The following STARD13 variants were observed in gnomAD, a reference collection of about 807,000 sequenced individuals.
STARD13 encodes the protein StAR related lipid transfer domain containing 13, also known as stAR-related lipid transfer protein 13.
STARD13 carries 62 observed loss-of-function variants against 106.4 expected under a neutral mutation model. The ratio of observed to expected loss-of-function variants is 0.58; its 90% CI spans 0.48 to 0.72. The LOEUF is 0.72. Ranked by LOEUF, STARD13 falls within the 30% of genes least tolerant of loss-of-function variation. The pLI, the probability that STARD13 is intolerant of heterozygous loss-of-function variation, is 0.00. For synonymous variants in STARD13, 565 were observed against 553.0 expected (o/e 1.02, Z -0.31); for missense variants, 1,387 against 1,424.0 (o/e 0.97, Z 0.42).
chr13:33,653,759 G>GAT, the STARD13 span, among the ~76,000 whole-genome samples: 2 of 152,000 alleles, frequency 1.3e-5, no homozygotes, highest in Admixed American at 1.3e-4. Flanking sequence ...AATTGAGGAA[G>GAT]ATATTTGTAA....
intron 1 of STARD13, among the ~76,000 whole-genome samples, chr13:33,185,040 C>T (rs1885618075): frequency 6.6e-6 from 1 of 152,174 alleles, no homozygotes; most frequent in Non-Finnish European, 1.5e-5. Flanking sequence ...GGCCATGCTG[C>T]CTTGCTGAAG....
At chr13:33,649,997 G>A in the STARD13 span, among the ~76,000 whole-genome samples, 44 of 151,202 alleles carry the variant, frequency 2.9e-4, no homozygotes, top group African/African-American at 8.5e-4. Context: ...TTTTTTCCTG[G>A]CTCACAGGAA....
At chr13:33,671,522 G>A in the STARD13 span, among the ~76,000 whole-genome samples, 2 of 152,196 alleles carry the variant, frequency 1.3e-5, no homozygotes, top group African/African-American at 2.4e-5. Context: ...GTTGAGTCAG[G>A]AGTTCAAGAC....
At chr13:33,361,835 C>T in the STARD13 span, among the ~76,000 whole-genome samples, 1 of 152,172 alleles carries the variant, frequency 6.6e-6, no homozygotes, top group Non-Finnish European at 1.5e-5. Context: ...CCAGGTACCC[C>T]CTAACACTGG....
chr13:33,126,336 G>GGTATTCCAAC, intron 6 of STARD13, 96 bp from the exon 7 acceptor site: 1 of 1,211,182 alleles, frequency 8.3e-7, no homozygotes, highest in Non-Finnish European at 1.2e-6. Flanking sequence ...GCTTTTGTTG[G>GGTATTCCAAC]AATACCCAAC....
At chr13:33,510,499 C>G in the STARD13 span, among the ~76,000 whole-genome samples, 1 of 152,116 alleles carries the variant, frequency 6.6e-6, no homozygotes, top group African/African-American at 2.4e-5. Flanking sequence ...ACTCCTGGCT[C>G]TAGGGCTGCT....
At chr13:33,483,912 C>T in the STARD13 span, among the ~76,000 whole-genome samples, 1 of 152,242 alleles carries the variant, frequency 6.6e-6, no homozygotes, top group East Asian at 1.9e-4. Flanking sequence ...ATATGATTTT[C>T]CCTAGAAAAA....
chr13:33,657,304 T>G, the STARD13 span: 1 of 151,806 alleles, frequency 6.6e-6, no homozygotes, highest in Admixed American at 6.6e-5. Flanking sequence ...AAAATAGGAT[T>G]CCACCGTTTG....
chr13:33,676,266 A>T, the STARD13 span, among the ~76,000 whole-genome samples: 2 of 152,144 alleles, frequency 1.3e-5, no homozygotes, highest in Non-Finnish European at 2.9e-5. Context: ...GCGGATCGGG[A>T]CTGCCATTTG....
the STARD13 span, among the ~76,000 whole-genome samples, chr13:33,472,465 T>C: frequency 5.9e-3 from 897 of 152,218 alleles, 7 homozygotes; most frequent in African/African-American, 0.021. Context: ...TCATCATGCA[T>C]TGTGGTATGA....
the STARD13 span, among the ~76,000 whole-genome samples, chr13:33,564,222 AAAAAAG>A: frequency 4.2e-5 from 6 of 143,632 alleles, no homozygotes; most frequent in Non-Finnish European, 7.5e-5. Flanking sequence ...AAAAAAAAAA[AAAAAAG>A]AAAAGATCTG....
the STARD13 span, among the ~76,000 whole-genome samples, chr13:33,422,421 C>T: frequency 6.6e-6 from 1 of 152,110 alleles, no homozygotes; most frequent in Non-Finnish European, 1.5e-5. Flanking sequence ...GAACTACAAA[C>T]CACTGCTCAG....
At chr13:33,186,925 G>A (rs1246617086) in intron 1 of STARD13, among the ~76,000 whole-genome samples, 1 of 152,192 alleles carries the variant, frequency 6.6e-6, no homozygotes, top group Non-Finnish European at 1.5e-5. Context: ...GAAAATGGGT[G>A]GGAAGTAGTT....
At chr13:33,336,888 T>C (rs577030856) in intron 1 of STARD13, among the ~76,000 whole-genome samples, 1 of 152,138 alleles carries the variant, frequency 6.6e-6, no homozygotes, top group East Asian at 1.9e-4. Flanking sequence ...TCCAGAAATA[T>C]CAGGTTGGTG....
At chr13:33,175,857 T>G (rs1174531301) in intron 1 of STARD13, among the ~76,000 whole-genome samples, 1 of 151,392 alleles carries the variant, frequency 6.6e-6, no homozygotes, top group South Asian at 2.1e-4. Context: ...CAGACATTTC[T>G]GAATGTCTAT....
chr13:33,335,648 T>G (rs966643407), intron 1 of STARD13, among the ~76,000 whole-genome samples: 2 of 152,230 alleles, frequency 1.3e-5, no homozygotes, highest in South Asian at 4.1e-4. Flanking sequence ...CACGTACCAT[T>G]ATGTAGTCTG....
chr13:33,482,206 T>C, the STARD13 span, among the ~76,000 whole-genome samples: 1 of 152,148 alleles, frequency 6.6e-6, no homozygotes, highest in African/African-American at 2.4e-5. Context: ...TAGGTGGACG[T>C]GCAGATCAAA....
At chr13:33,412,723 G>A in the STARD13 span, among the ~76,000 whole-genome samples, 189 of 151,976 alleles carry the variant, frequency 1.2e-3, no homozygotes, top group Non-Finnish European at 2.2e-3. Flanking sequence ...AGTCATAGAG[G>A]GACACTATGT....
the STARD13 span, among the ~76,000 whole-genome samples, chr13:33,533,896 G>T: frequency 6.6e-5 from 10 of 152,198 alleles, no homozygotes; most frequent in South Asian, 2.1e-4. Flanking sequence ...CACATCATCA[G>T]AAGGTGTTTT....
Sources: allele counts gnomAD v4.1 joint callset (sites outside exome capture counted in the v4.1 genomes callset), GRCh38; gene constraint gnomAD v4.1.1; transcripts MANE v1.5; gene names NCBI Gene and HGNC (gene_info 2026-07-23, HGNC 2026-07-21).